Variants in SLC39A8 observed in about 807,000 individuals in gnomAD.
SLC39A8 encodes metal cation symporter ZIP8.
In SLC39A8, 15 loss-of-function variants were observed where a neutral mutation model predicts 40.4. That is an observed-to-expected ratio of 0.37 (90% CI 0.25 to 0.57). The LOEUF (loss-of-function observed/expected upper bound fraction) is 0.57. Among genes scored for constraint, SLC39A8 ranks in the 20% least tolerant of loss-of-function variants. The probability of loss-of-function intolerance (pLI) is 0.75; values close to 1 mark genes in which losing one functional copy is unlikely to be tolerated. For synonymous variants in SLC39A8, 223 were observed against 221.6 expected (o/e 1.01, Z -0.06); for missense variants, 472 against 558.8 (o/e 0.84, Z 1.57).
chr4:102,339,364 C>T (rs895593006), intron 2 of SLC39A8, among the ~76,000 whole-genome samples: 2 of 152,040 alleles, frequency 1.3e-5, no homozygotes, highest in African/African-American at 4.8e-5. Context: ...CTCTTCTGTC[C>T]ATAGTCAGTG....
chr4:102,251,229 CTT>C (rs1196564101), exon 12 of SLC39A8: 1 of 152,108 alleles, frequency 6.6e-6, no homozygotes, highest in African/African-American at 2.4e-5. Context: ...TCATATGTTC[CTT>C]CTAGCTACTT....
intron 2 of SLC39A8, among the ~76,000 whole-genome samples, chr4:102,333,038 T>G (rs1468343153): frequency 6.6e-6 from 1 of 151,836 alleles, no homozygotes; most frequent in Non-Finnish European, 1.5e-5. Flanking sequence ...CTAGGGGAGG[T>G]ATAGCATTAG....
intron 2 of SLC39A8, among the ~76,000 whole-genome samples, chr4:102,317,692 C>G (rs1303755383): frequency 6.6e-6 from 1 of 152,170 alleles, no homozygotes; most frequent in South Asian, 2.1e-4. Flanking sequence ...ATAGCACACA[C>G]AGAGAGCACC....
At chr4:102,311,654 C>A (rs1734431081) in intron 3 of SLC39A8, among the ~76,000 whole-genome samples, 2 of 152,072 alleles carry the variant, frequency 1.3e-5, no homozygotes, top group South Asian at 2.1e-4. Flanking sequence ...CAATTAATTT[C>A]TCTCCTAGAG....
chr4:102,277,162 T>A (rs568082729), intron 6 of SLC39A8, among the ~76,000 whole-genome samples: 35 of 152,222 alleles, frequency 2.3e-4, no homozygotes, highest in Non-Finnish European at 1.9e-4. Context: ...GAGAAAGAAA[T>A]AAGGGGTATT....
chr4:102,280,375 TCC>T (rs1263242636), intron 6 of SLC39A8, among the ~76,000 whole-genome samples: 1 of 152,140 alleles, frequency 6.6e-6, no homozygotes. Context: ...ATTTGACATA[TCC>T]AAAGTCTAAT....
chr4:102,291,884 C>A (rs1408176076), intron 6 of SLC39A8, among the ~76,000 whole-genome samples: 1 of 151,686 alleles, frequency 6.6e-6, no homozygotes, highest in Non-Finnish European at 1.5e-5. Context: ...AGAAGGAAAT[C>A]CTGTCATTTC....
chr4:102,307,397 A>C (rs1734227382), intron 4 of SLC39A8, 39 bp downstream of exon 4: 5 of 1,600,492 alleles, frequency 3.1e-6, no homozygotes, highest in Non-Finnish European at 4.3e-6. Flanking sequence ...CGTTCAAAAG[A>C]AACAATTATT....
intron 6 of SLC39A8, among the ~76,000 whole-genome samples, chr4:102,295,031 A>G (rs1424618336): frequency 6.6e-6 from 1 of 151,210 alleles, no homozygotes; most frequent in Non-Finnish European, 1.5e-5. Context: ...TTTTGTTGTT[A>G]TTCAGCAAAA....
intron 4 of SLC39A8, among the ~76,000 whole-genome samples, chr4:102,306,266 G>A (rs62327952): frequency 6.6e-6 from 1 of 151,598 alleles, no homozygotes; most frequent in Non-Finnish European, 1.5e-5. Context: ...AAGCAGATGA[G>A]ATAATAAATA....
rs372572412 is a variant in SLC39A8 at position 102,263,204 on chromosome 4, G to C, written c.1234-11C>G. 55 of 1,611,222 alleles carry C rather than the reference G, an allele frequency of 3.4e-5. No homozygotes were observed. In the African/African-American group the frequency reaches 6.3e-4, roughly 18 times the overall value. ...ATTCATCTCTGGAAACTAGAAGACA[G>C]ATATATTGTTAGATAACTGTTGCCA... On this transcript the variant is annotated splice_polypyrimidine_tract_variant and intron_variant, in intron 8 of 8. Transcript: ENST00000356736.
downstream of SLC39A8, chr4:102,259,618 A>T (rs1021964778): frequency 1.7e-5 from 15 of 868,460 alleles, no homozygotes; most frequent in African/African-American, 1.5e-4. Context: ...GCTTATTTCT[A>T]TACCAGTTGC....
At position 102,253,799 on chromosome 4, in the gene SLC39A8, T is replaced by TATAC. The variant is rs1731647846; in HGVS notation, c.*299-373_*299-370dup. Among the ~76,000 whole-genome samples, 4 of 152,164 alleles carry TATAC rather than the reference T, an allele frequency of 2.6e-5. No individual in the cohort carries two copies. In the South Asian group the frequency reaches 6.2e-4, roughly 24 times the overall value. On this transcript the variant is annotated intron_variant and NMD_transcript_variant, in intron 11 of 11. Transcript: ENST00000424970. ...TATTTTCCCATATGTATATGTTATA[T>TATAC]ATACATACATACATATATAACAAAA...
At chr4:102,279,788 AG>A (rs1265188451) in intron 6 of SLC39A8, among the ~76,000 whole-genome samples, 1 of 152,180 alleles carries the variant, frequency 6.6e-6, no homozygotes, top group East Asian at 1.9e-4. Flanking sequence ...TATTAGTAAA[AG>A]ACATCATGGG....
intron 1 of SLC39A8, 39 bp from the exon 2 acceptor site, chr4:102,344,954 C>T (rs969293478): frequency 1.6e-5 from 18 of 1,151,556 alleles, no homozygotes; most frequent in Non-Finnish European, 1.8e-5. Context: ...AGATAAAGGC[C>T]ACCAGGGCAC....
intron 6 of SLC39A8, among the ~76,000 whole-genome samples, chr4:102,298,614 C>T (rs1423765165): frequency 6.6e-6 from 1 of 151,990 alleles, no homozygotes; most frequent in Non-Finnish European, 1.5e-5. Flanking sequence ...TGAAATAGTG[C>T]AGACCAGATA....
intron 6 of SLC39A8, among the ~76,000 whole-genome samples, chr4:102,281,294 A>C (rs1408864034): frequency 6.6e-6 from 1 of 152,228 alleles, no homozygotes; most frequent in Non-Finnish European, 1.5e-5. Context: ...AGGAATATCT[A>C]CACTGATCAG....
chr4:102,258,390 C>T (rs188558028), downstream of SLC39A8, among the ~76,000 whole-genome samples: 630 of 152,170 alleles, frequency 4.1e-3, 8 homozygotes, highest in African/African-American at 0.014. Flanking sequence ...CTTCTCCTAC[C>T]CCTGGATGAA....
chr4:102,309,448 C>T (rs1734330124), intron 3 of SLC39A8, among the ~76,000 whole-genome samples: 1 of 152,052 alleles, frequency 6.6e-6, no homozygotes, highest in Non-Finnish European at 1.5e-5. Context: ...CCATTTATTA[C>T]CTTATCACCT....
Sources: gnomAD v4.1 joint callset for allele counts (sites outside exome capture counted in the v4.1 genomes callset) on GRCh38, gnomAD v4.1.1 for gene constraint, MANE v1.5 for transcripts, NCBI Gene and HGNC (gene_info 2026-07-23, HGNC 2026-07-21) for gene names.